The following UNC5D variants were observed in gnomAD, a reference collection of about 807,000 sequenced individuals.
UNC5D encodes the protein unc-5 netrin receptor D, also known as netrin receptor UNC5D.
In UNC5D, 39 loss-of-function variants were observed where a neutral mutation model predicts 105.4. The ratio of observed to expected loss-of-function variants is 0.37; its 90% CI spans 0.29 to 0.48. The LOEUF is 0.48. UNC5D is among the 20% of genes least tolerant of loss of function. The pLI, the probability that UNC5D is intolerant of heterozygous loss-of-function variation, is 0.98. For synonymous variants in UNC5D, 452 were observed against 450.4 expected, an observed-to-expected ratio of 1.00 and a Z score of -0.04; for missense variants, 991 against 1,202.4, an observed-to-expected ratio of 0.82 and a Z score of 2.60.
chr8:35,262,562 C>G (rs1804566009), intron 1 of UNC5D, among the ~76,000 whole-genome samples: 1 of 152,122 alleles, frequency 6.6e-6, no homozygotes, highest in Admixed American at 6.6e-5. Context: ...GACTTTCACC[C>G]AAACCTGAAG....
At chr8:35,254,905 A>C (rs1450498803) in intron 1 of UNC5D, 1 of 152,224 alleles carries the variant, frequency 6.6e-6, no homozygotes, top group Non-Finnish European at 1.5e-5. Flanking sequence ...AAATGAAAAA[A>C]TCAAAGAAGC....
intron 1 of UNC5D, chr8:35,525,497 G>A: frequency 6.8e-6 from 11 of 1,612,260 alleles, no homozygotes; most frequent in Non-Finnish European, 8.5e-6. Flanking sequence ...TCCGTGCTTT[G>A]CTGGCAAGCT....
intron 4 of UNC5D, among the ~76,000 whole-genome samples, chr8:35,613,932 A>G (rs913604648): frequency 6.6e-6 from 1 of 152,230 alleles, no homozygotes; most frequent in African/African-American, 2.4e-5. Flanking sequence ...AATATTTGAA[A>G]GTATCCATTG....
chr8:35,698,606 G>A (rs184087713), intron 7 of UNC5D, among the ~76,000 whole-genome samples: 1 of 151,998 alleles, frequency 6.6e-6, no homozygotes, highest in Admixed American at 6.6e-5. Flanking sequence ...CTCTTTTAAG[G>A]TGAATAATAT....
intron 4 of UNC5D, among the ~76,000 whole-genome samples, chr8:35,669,956 A>G (rs1241261032): frequency 6.6e-6 from 1 of 152,108 alleles, no homozygotes; most frequent in African/African-American, 2.4e-5. Context: ...TCAATCTGGG[A>G]ATGTTCAGTG....
At chr8:35,523,374 T>C (rs950154253) in intron 1 of UNC5D, among the ~76,000 whole-genome samples, 1 of 152,132 alleles carries the variant, frequency 6.6e-6, no homozygotes, top group Non-Finnish European at 1.5e-5. Flanking sequence ...TGAGCCACCA[T>C]GCCTGGCCTG....
intron 2 of UNC5D, among the ~76,000 whole-genome samples, chr8:35,555,183 C>T (rs890064349): frequency 2.6e-5 from 4 of 152,162 alleles, no homozygotes; most frequent in African/African-American, 9.7e-5. Flanking sequence ...GTTTCAAACT[C>T]ACTTTTATGG....
At chr8:35,419,070 C>G (rs939312981) in intron 1 of UNC5D, among the ~76,000 whole-genome samples, 2 of 152,176 alleles carry the variant, frequency 1.3e-5, no homozygotes. Context: ...ATTCACAGCT[C>G]TATGTGGTTC....
intron 3 of UNC5D, among the ~76,000 whole-genome samples, chr8:35,585,768 TATATA>T (rs553278603): frequency 6.6e-6 from 1 of 151,618 alleles, no homozygotes; most frequent in Admixed American, 6.6e-5. Context: ...ATGAATATAA[TATATA>T]ATAATAAGGG....
At chr8:35,631,364 G>A (rs1216761236) in intron 4 of UNC5D, among the ~76,000 whole-genome samples, 1 of 151,986 alleles carries the variant, frequency 6.6e-6, no homozygotes, top group Non-Finnish European at 1.5e-5. Context: ...TAGAAGGCAT[G>A]AAATGAGACT....
intron 1 of UNC5D, among the ~76,000 whole-genome samples, chr8:35,392,484 G>A (rs960278999): frequency 1.3e-5 from 2 of 152,126 alleles, no homozygotes; most frequent in African/African-American, 4.8e-5. Context: ...TTTCAAAAGC[G>A]CTGGGATTAC....
chr8:35,600,901 T>C (rs1819831896), intron 4 of UNC5D, among the ~76,000 whole-genome samples: 1 of 152,146 alleles, frequency 6.6e-6, no homozygotes, highest in Non-Finnish European at 1.5e-5. Flanking sequence ...TGGTATTGCC[T>C]AGGTTTTCTT....
In UNC5D at chr8:35,248,194, T is replaced by C. The variant is rs1191903778; in HGVS notation, c.103+12307T>C. Among the ~76,000 whole-genome samples the C allele has an allele frequency of 4.5e-5, 3 of 66,122 alleles. No homozygotes were observed. In the South Asian group the frequency reaches 2.1e-3, roughly 46 times the overall value. 43.4% of individuals were successfully genotyped at this position (66,122 alleles called of 152,430 possible). On this transcript the variant is annotated intron_variant, in intron 1 of 16. Transcript: ENST00000404895. Reference sequence around the variant, plus strand: ...ATATAATATATATAATATATAAATATATATTATATAAAATATATAATATAT... The same window carrying C: ...ATATAATATATATAATATATAAATACATATTATATAAAATATATAATATAT...
At chr8:35,465,554 C>A (rs1339563087) in intron 1 of UNC5D, among the ~76,000 whole-genome samples, 1 of 152,194 alleles carries the variant, frequency 6.6e-6, no homozygotes, top group Non-Finnish European at 1.5e-5. Context: ...CAATCCTTTT[C>A]TTTTCAGTTG....
chr8:35,714,890 G>A (rs556864100), intron 8 of UNC5D, among the ~76,000 whole-genome samples: 6 of 151,886 alleles, frequency 4.0e-5, no homozygotes, highest in African/African-American at 7.3e-5. Flanking sequence ...AGTGGCTCAC[G>A]CCTGTAATCC....
intron 1 of UNC5D, among the ~76,000 whole-genome samples, chr8:35,317,531 C>T (rs1001763306): frequency 6.6e-6 from 1 of 152,096 alleles, no homozygotes; most frequent in African/African-American, 2.4e-5. Context: ...TGGTGAATCA[C>T]ATTAACTAAA....
chr8:35,491,200 G>A (rs997314256), intron 1 of UNC5D, among the ~76,000 whole-genome samples: 11 of 152,060 alleles, frequency 7.2e-5, no homozygotes, highest in African/African-American at 1.2e-4. Context: ...AAAAAAGGAC[G>A]TCCTTCCAGG....
intron 1 of UNC5D, among the ~76,000 whole-genome samples, chr8:35,344,774 A>T (rs1276768628): frequency 6.6e-6 from 1 of 152,094 alleles, no homozygotes. Context: ...TTTCAAAAGC[A>T]TAGAAATGTT....
chr8:35,390,050 C>A (rs577554812), intron 1 of UNC5D, among the ~76,000 whole-genome samples: 1 of 152,170 alleles, frequency 6.6e-6, no homozygotes, highest in African/African-American at 2.4e-5. Flanking sequence ...GGCATCAGCT[C>A]AGCTTCTGGG....
Sources: gnomAD v4.1 joint callset for allele counts (sites outside exome capture counted in the v4.1 genomes callset) on GRCh38, gnomAD v4.1.1 for gene constraint, MANE v1.5 for transcripts, NCBI Gene and HGNC (gene_info 2026-07-23, HGNC 2026-07-21) for gene names.